Variants in CLPB observed in about 807,000 individuals in gnomAD.
CLPB encodes ClpB family mitochondrial disaggregase, also known as mitochondrial disaggregase.
A neutral mutation model predicts 78.4 loss-of-function variants in CLPB; 40 were observed. That is an observed-to-expected ratio of 0.51 (90% CI 0.40 to 0.66). The LOEUF (loss-of-function observed/expected upper bound fraction) is 0.66, where lower values mean the gene tolerates loss of function less well. Among genes scored for constraint, CLPB ranks in the 30% least tolerant of loss-of-function variants. The pLI is 0.00. For synonymous variants in CLPB, 333 were observed against 348.0 expected (o/e 0.96, Z 0.48); for missense variants, 780 against 886.9 (o/e 0.88, Z 1.53).
intron 2 of CLPB, among the ~76,000 whole-genome samples, chr11:72,429,528 G>A (rs1390142435): frequency 6.6e-6 from 1 of 152,190 alleles, no homozygotes; most frequent in Non-Finnish European, 1.5e-5. Flanking sequence ...GCAAGGAAGG[G>A]GGGTGTCCTA....
chr11:72,360,311 G>A (rs2135619130), intron 4 of CLPB, among the ~76,000 whole-genome samples: 1 of 152,298 alleles, frequency 6.6e-6, no homozygotes, highest in South Asian at 2.1e-4. Flanking sequence ...TCTTACCTAT[G>A]TAGTCAAAAG....
At position 72,293,018 on chromosome 11, in the gene CLPB, G is replaced by C. The variant is rs1271937204; in HGVS notation, c.*349C>G. On this transcript the variant is annotated 3_prime_UTR_variant, in exon 16 of 16. Transcript: ENST00000538039. ...CTGTGTTCTTAGCTGCCATACTTCTGAGCTTCCTGGGAACATGAGAAAGTC... is the reference window on the plus strand; with the variant it reads ...CTGTGTTCTTAGCTGCCATACTTCTCAGCTTCCTGGGAACATGAGAAAGTC... 4 of 221,560 alleles carry C rather than the reference G, an allele frequency of 1.8e-5. No individual in the cohort carries two copies. The highest frequency in any genetic ancestry group is 8.9e-5 in the African/African-American group (4 of 44,840). 13.7% of individuals were successfully genotyped at this position (221,560 alleles called of 1,614,324 possible). A position where few individuals can be genotyped will look rare whatever the true frequency, so the allele number is the denominator to read the frequency against.
At chr11:72,382,734 A>G (rs1854954287) in intron 3 of CLPB, among the ~76,000 whole-genome samples, 1 of 152,192 alleles carries the variant, frequency 6.6e-6, no homozygotes, top group Admixed American at 6.5e-5. Flanking sequence ...GGCAAAGCCA[A>G]TCTGCAAAGA....
intron 6 of CLPB, among the ~76,000 whole-genome samples, chr11:72,321,486 G>A (rs1179114265): frequency 6.6e-6 from 1 of 152,236 alleles, no homozygotes; most frequent in Non-Finnish European, 1.5e-5. Flanking sequence ...CCTCCTGGCT[G>A]TGAGTGCATT....
At chr11:72,386,698 G>T (rs554809572) in intron 3 of CLPB, among the ~76,000 whole-genome samples, 1 of 152,214 alleles carries the variant, frequency 6.6e-6, no homozygotes, top group East Asian at 1.9e-4. Flanking sequence ...AGTCTTCTGT[G>T]CCTACTCACC....
chr11:72,419,962 C>T (rs765310870), intron 2 of CLPB, among the ~76,000 whole-genome samples: 20 of 152,186 alleles, frequency 1.3e-4, no homozygotes, highest in Non-Finnish European at 2.4e-4. Context: ...AATGAATAAA[C>T]GATTGAACTA....
At chr11:72,319,191 T>C (rs1244698324) in intron 6 of CLPB, among the ~76,000 whole-genome samples, 1 of 152,216 alleles carries the variant, frequency 6.6e-6, no homozygotes, top group African/African-American at 2.4e-5. Flanking sequence ...AGGGAGTCTG[T>C]TGTAAGGCTT....
In CLPB at chr11:72,287,314, C is replaced by T. The variant is rs1006725055; in HGVS notation, c.*6053G>A. On this transcript the variant is annotated 3_prime_UTR_variant, in exon 16 of 16. Transcript: ENST00000538039. ...TTCAATTAAAAAGTTTAATTAAAAA[C>T]AATTTTTTATTTTTGGGACATGGTC... The T allele has an allele frequency of 1.3e-5, 2 of 152,056 alleles. No homozygotes were observed. The highest frequency in any genetic ancestry group is 2.9e-5 in the Non-Finnish European group (2 of 68,000). 9.4% of individuals were successfully genotyped at this position (152,056 alleles called of 1,614,324 possible). A position where few individuals can be genotyped will look rare whatever the true frequency, so the allele number is the denominator to read the frequency against.
chr11:72,397,776 C>T (rs1392128871), intron 3 of CLPB, among the ~76,000 whole-genome samples: 1 of 152,020 alleles, frequency 6.6e-6, no homozygotes, highest in Non-Finnish European at 1.5e-5. Flanking sequence ...TTTACAGCTC[C>T]TTTTTTATGA....
At chr11:72,414,372 C>A (rs982234675) in intron 2 of CLPB, among the ~76,000 whole-genome samples, 2 of 152,188 alleles carry the variant, frequency 1.3e-5, no homozygotes, top group African/African-American at 4.8e-5. Flanking sequence ...CAGCAGGCCT[C>A]CTGGCTGGCT....
At chr11:72,380,110 G>C (rs1437047548) in intron 4 of CLPB, among the ~76,000 whole-genome samples, 171 bp downstream of exon 4, 1 of 152,112 alleles carries the variant, frequency 6.6e-6, no homozygotes, top group African/African-American at 2.4e-5. Context: ...TAGAGCCAGG[G>C]GACTGTGAAA....
At chr11:72,300,157 C>G (rs1331191413) in intron 11 of CLPB, among the ~76,000 whole-genome samples, 3 of 152,192 alleles carry the variant, frequency 2.0e-5, no homozygotes, top group African/African-American at 4.8e-5. Context: ...CCTTGATTCT[C>G]TCTCCCCAGC....
At chr11:72,413,313 A>C (rs1223457029) in intron 2 of CLPB, among the ~76,000 whole-genome samples, 1 of 151,996 alleles carries the variant, frequency 6.6e-6, no homozygotes, top group Non-Finnish European at 1.5e-5. Flanking sequence ...AAAGACAAAA[A>C]AACAAATAAA....
intron 2 of CLPB, among the ~76,000 whole-genome samples, chr11:72,407,649 AT>A (rs994491508): frequency 1.8e-3 from 258 of 140,326 alleles, no homozygotes; most frequent in Admixed American, 1.9e-3. Flanking sequence ...GCCACCTACT[AT>A]TTTTTTTTTT....
In CLPB at chr11:72,395,907, C is replaced by T. The variant is rs140762614; in HGVS notation, c.542+7059G>A. Among the ~76,000 whole-genome samples, 996 of 152,304 alleles carry T rather than the reference C, an allele frequency of 6.5e-3. 4 individuals are homozygous for T. The highest frequency in any genetic ancestry group is 9.5e-3 in the African/African-American group (395 of 41,560). ...AGCTGCAAGATTAGCATCTGCTCTT[C>T]GCTCTAAGAACACCCATGGAGCTGT... On this transcript the variant is annotated intron_variant, in intron 3 of 15. Transcript: ENST00000538039.
chr11:72,353,468 G>C (rs1343183719), intron 5 of CLPB, among the ~76,000 whole-genome samples: 1 of 152,214 alleles, frequency 6.6e-6, no homozygotes, highest in Non-Finnish European at 1.5e-5. Flanking sequence ...AGGAAATTAA[G>C]AGTCGGGGAA....
chr11:72,381,079 C>G (rs1854897508), intron 3 of CLPB, among the ~76,000 whole-genome samples: 1 of 152,164 alleles, frequency 6.6e-6, no homozygotes, highest in Non-Finnish European at 1.5e-5. Flanking sequence ...TTCACAAGAG[C>G]TAAGTAAACC....
intron 10 of CLPB, 116 bp from the exon 11 acceptor site, chr11:72,302,080 A>G (rs1050533792): frequency 8.4e-7 from 1 of 1,193,494 alleles, no homozygotes; most frequent in Non-Finnish European, 1.2e-6. Context: ...CTCAACAGAG[A>G]TGATTGGCTG....
In CLPB at chr11:72,294,463, G is replaced by A. The variant is rs779010391; in HGVS notation, c.1561-19C>T. On this transcript the variant is annotated intron_variant, in intron 13 of 15. Coordinates refer to ENST00000538039, the MANE Select transcript of CLPB (RefSeq NM_001258392.3). ...AGTGAGCCTGAAGGGCCAGGTTAGG[G>A]GTGGGATGAGCTCAGTGACCCAGAG... is the stretch of plus-strand genomic sequence containing the variant. The A allele has an allele frequency of 3.7e-6, 6 of 1,613,874 alleles. No individual in the cohort carries two copies. The highest frequency in any genetic ancestry group is 2.2e-5 in the East Asian group (1 of 44,866).
Sources: allele counts gnomAD v4.1 joint callset (sites outside exome capture counted in the v4.1 genomes callset), GRCh38; gene constraint gnomAD v4.1.1; transcripts MANE v1.5; gene names NCBI Gene and HGNC (gene_info 2026-07-23, HGNC 2026-07-21).